Variants in EXOC4 observed in about 807,000 individuals in gnomAD.
The protein encoded by EXOC4 is SEC8-like 1.
In EXOC4, 71 loss-of-function variants were observed where a neutral mutation model predicts 107.2. The ratio of observed to expected loss-of-function variants is 0.66; its 90% CI spans 0.55 to 0.81. The LOEUF is 0.81. Ranked by LOEUF, EXOC4 falls within the 30% of genes least tolerant of loss-of-function variation. EXOC4 has a pLI of 0.00. For missense variants in EXOC4, 1,108 were observed against 1,189.6 expected (o/e 0.93, Z 1.01); for synonymous variants, 456 against 441.2 (o/e 1.03, Z -0.42).
chr7:133,523,597 C>T (rs1011929340), intron 9 of EXOC4, among the ~76,000 whole-genome samples: 19 of 151,996 alleles, frequency 1.3e-4, no homozygotes, highest in African/African-American at 4.1e-4. Flanking sequence ...CCCCCCTTCC[C>T]CCACCCCACA....
At chr7:133,594,437 T>C (rs1801616133) in intron 9 of EXOC4, among the ~76,000 whole-genome samples, 1 of 149,866 alleles carries the variant, frequency 6.7e-6, no homozygotes. Context: ...TCTGCTTTCA[T>C]GGAGGTTACA....
At chr7:133,853,207 A>G (rs1157165277) in intron 11 of EXOC4, among the ~76,000 whole-genome samples, 1 of 152,036 alleles carries the variant, frequency 6.6e-6, no homozygotes, top group Non-Finnish European at 1.5e-5. Context: ...GTGCTTATTC[A>G]CTAGATGGAA....
intron 14 of EXOC4, among the ~76,000 whole-genome samples, chr7:133,976,597 GC>G (rs1793837797): frequency 6.6e-6 from 1 of 152,136 alleles, no homozygotes; most frequent in Admixed American, 6.5e-5. Flanking sequence ...AGTGCCAGGA[GC>G]CAACATGGTT....
At chr7:134,042,350 C>G (rs770856251) in intron 17 of EXOC4, among the ~76,000 whole-genome samples, 3 of 152,048 alleles carry the variant, frequency 2.0e-5, no homozygotes, top group Non-Finnish European at 2.9e-5. Flanking sequence ...TACAATAAAG[C>G]CTTTATTACT....
chr7:133,489,210 G>A (rs914338635), intron 9 of EXOC4, among the ~76,000 whole-genome samples: 15 of 151,992 alleles, frequency 9.9e-5, no homozygotes, highest in African/African-American at 3.6e-4. Flanking sequence ...TAACCAAAGA[G>A]AGGATCTCGT....
intron 7 of EXOC4, among the ~76,000 whole-genome samples, chr7:133,471,378 C>T (rs1798873880): frequency 6.6e-6 from 1 of 150,590 alleles, no homozygotes; most frequent in Non-Finnish European, 1.5e-5. Flanking sequence ...TGCCATTGCA[C>T]TCCAGCCTGG....
intron 9 of EXOC4, among the ~76,000 whole-genome samples, chr7:133,541,203 A>G (rs887950011): frequency 1.3e-5 from 2 of 152,206 alleles, no homozygotes; most frequent in African/African-American, 2.4e-5. Context: ...GAAATTGTGC[A>G]CTATGCAGGA....
Position 133,406,053 on chromosome 7 carries a change from G to A in EXOC4, c.1182+31051G>A, listed in dbSNP as rs373118050. ...TTGCAAAAACAAGTTACATGTGAGT[G>A]TTCTTTGCTGTCTGTAGATAACAAA... is the stretch of plus-strand genomic sequence containing the variant. On this transcript the variant is annotated intron_variant, in intron 7 of 17. Coordinates refer to ENST00000253861, the MANE Select transcript of EXOC4 (RefSeq NM_021807.4). Among the ~76,000 whole-genome samples the A allele has an allele frequency of 6.6e-5, 10 of 152,180 alleles. No homozygotes were observed. The East Asian group carries it at 1.5e-3, about 23-fold the overall frequency.
chr7:133,429,996 C>T (rs1249841567), intron 7 of EXOC4, among the ~76,000 whole-genome samples: 1 of 152,182 alleles, frequency 6.6e-6, no homozygotes, highest in Admixed American at 6.5e-5. Flanking sequence ...AAAATTAATG[C>T]TCTTTTAGCA....
intron 11 of EXOC4, among the ~76,000 whole-genome samples, chr7:133,836,138 C>T (rs1225467312): frequency 3.3e-5 from 5 of 152,194 alleles, no homozygotes; most frequent in Non-Finnish European, 7.3e-5. Context: ...TAACCAAACT[C>T]ATACACATGG....
chr7:133,811,363 A>C (rs1353913982), intron 10 of EXOC4, among the ~76,000 whole-genome samples: 1 of 152,164 alleles, frequency 6.6e-6, no homozygotes, highest in Non-Finnish European at 1.5e-5. Flanking sequence ...TTGTTGGGAA[A>C]ATTGGGCTTT....
At position 133,920,380 on chromosome 7, in the gene EXOC4, C is replaced by T. The variant is rs1799911792; in HGVS notation, c.2027+2642C>T. Among the ~76,000 whole-genome samples the T allele has an allele frequency of 2.0e-5, 3 of 152,136 alleles. No homozygotes were observed. The South Asian group carries it at 6.2e-4, about 32-fold the overall frequency. On this transcript the variant is annotated intron_variant, in intron 13 of 17. Transcript: ENST00000253861. Reference sequence around the variant, plus strand: ...TTTTGCAGAGAAGTTTTAATTAAGTCCAACATATTTTTGTGCTTTTCTGTC... The same window carrying T: ...TTTTGCAGAGAAGTTTTAATTAAGTTCAACATATTTTTGTGCTTTTCTGTC...
intron 11 of EXOC4, among the ~76,000 whole-genome samples, chr7:133,865,222 A>G (rs536183873): frequency 6.6e-6 from 1 of 152,180 alleles, no homozygotes; most frequent in East Asian, 1.9e-4. Flanking sequence ...TCCTTAAAAA[A>G]AACCACTGTG....
intron 9 of EXOC4, among the ~76,000 whole-genome samples, chr7:133,497,154 A>T (rs1042933003): frequency 2.6e-5 from 4 of 152,168 alleles, no homozygotes; most frequent in Non-Finnish European, 5.9e-5. Context: ...TATGCCTTAG[A>T]TAAGATTGTG....
chr7:134,060,149 C>G (rs546994612), intron 17 of EXOC4, among the ~76,000 whole-genome samples: 1 of 152,162 alleles, frequency 6.6e-6, no homozygotes, highest in Non-Finnish European at 1.5e-5. Flanking sequence ...GCACATGAGA[C>G]CAGTCTGTGA....
intron 10 of EXOC4, among the ~76,000 whole-genome samples, chr7:133,780,619 C>T (rs1219780923): frequency 2.0e-5 from 3 of 151,834 alleles, no homozygotes; most frequent in Non-Finnish European, 4.4e-5. Context: ...GTGTTTTTTT[C>T]ATTCTAGAGC....
rs374294091 is a variant in EXOC4 at position 133,672,694 on chromosome 7, G to T, written c.1514+42553G>T. On this transcript the variant is annotated intron_variant, in intron 10 of 17. Transcript: ENST00000253861. ...AAGGGTATTCCAAAAGCAACAGATG[G>T]TGAGGAAGGGGAAGACCAAAAGAAA... is the stretch of plus-strand genomic sequence containing the variant. 5.3e-5 allele frequency among the ~76,000 whole-genome samples: 8 copies of T among 152,242 alleles called. No homozygotes were observed. The East Asian group carries it at 1.2e-3, about 22-fold the overall frequency.
At chr7:133,614,610 A>G (rs1802145747) in intron 9 of EXOC4, among the ~76,000 whole-genome samples, 1 of 152,092 alleles carries the variant, frequency 6.6e-6, no homozygotes, top group Non-Finnish European at 1.5e-5. Flanking sequence ...CAGGGAGAAC[A>G]TCATGAAAGT....
At chr7:134,070,216 A>AGG (rs1796254452), downstream of EXOC4, among the ~76,000 whole-genome samples, 1 of 152,220 alleles carries the variant, frequency 6.6e-6, no homozygotes, top group Non-Finnish European at 1.5e-5. Flanking sequence ...ACCCTGTCCT[A>AGG]ATTAGGCACA....
Sources: allele counts gnomAD v4.1 joint callset (sites outside exome capture counted in the v4.1 genomes callset), GRCh38; gene constraint gnomAD v4.1.1; transcripts MANE v1.5; gene names NCBI Gene and HGNC (gene_info 2026-07-23, HGNC 2026-07-21).